Variants in RPS6KC1 observed in about 807,000 individuals in gnomAD.
The protein encoded by RPS6KC1 is ribosomal protein S6 kinase C1.
RPS6KC1 carries 54 observed loss-of-function variants against 103.8 expected under a neutral mutation model. The ratio of observed to expected loss-of-function variants is 0.52; its 90% CI spans 0.42 to 0.65. The LOEUF is 0.65. Among genes scored for constraint, RPS6KC1 ranks in the 30% least tolerant of loss-of-function variants. The pLI is 0.00. For synonymous variants in RPS6KC1, 439 were observed against 438.7 expected, an observed-to-expected ratio of 1.00 and a Z score of -0.01; for missense variants, 1,151 against 1,253.8, an observed-to-expected ratio of 0.92 and a Z score of 1.24.
intron 8 of RPS6KC1, among the ~76,000 whole-genome samples, chr1:213,195,846 G>GTGTA (rs553713944): frequency 2.0e-4 from 30 of 150,946 alleles, no homozygotes; most frequent in African/African-American, 7.3e-4. Flanking sequence ...GTGTGTGTGT[G>GTGTA]TATATATATA....
chr1:213,384,573 C>G, the RPS6KC1 span, among the ~76,000 whole-genome samples: 1 of 152,002 alleles, frequency 6.6e-6, no homozygotes, highest in Non-Finnish European at 1.5e-5. Context: ...GGGAAGGTGT[C>G]GAGGGCAGGA....
chr1:213,510,053 G>T, the RPS6KC1 span, among the ~76,000 whole-genome samples: 3 of 152,130 alleles, frequency 2.0e-5, no homozygotes, highest in Non-Finnish European at 4.4e-5. Context: ...AACTTCTTGG[G>T]TTCCTACCTA....
the RPS6KC1 span, among the ~76,000 whole-genome samples, chr1:213,464,874 TTC>T: frequency 6.6e-4 from 101 of 152,204 alleles, 1 homozygote; most frequent in Middle Eastern, 0.041. Flanking sequence ...TGCCACATAG[TTC>T]TCTCTTTAGG....
In RPS6KC1 at chr1:213,232,183, C is replaced by T; in HGVS notation, c.1153C>T (p.Pro385Ser). 2 of 1,614,018 alleles carry T rather than the reference C, an allele frequency of 1.2e-6. No individual in the cohort carries two copies. The highest frequency in any genetic ancestry group is 1.7e-6 in the Non-Finnish European group (2 of 1,179,906). The change falls in exon 10 of 15, where the codon CCC becomes TCC. Residue 385 changes from proline to serine, a missense_variant. Transcript: ENST00000366960. The part of the protein sequence containing the change: ...NRKTIIPRCV[P>S]NMVCLHKYII... ...AAAGACCATCATCCCCCGCTGTGTG[C>T]CCAACATGGTGTGTCTGCATAAGTA...
the RPS6KC1 span, among the ~76,000 whole-genome samples, chr1:213,696,316 A>G: frequency 1.3e-5 from 2 of 152,014 alleles, no homozygotes; most frequent in African/African-American, 4.8e-5. Flanking sequence ...TCTGACCAAC[A>G]TGGAGAAACT....
chr1:213,179,136 C>T (rs758506580), intron 8 of RPS6KC1, among the ~76,000 whole-genome samples: 1 of 151,646 alleles, frequency 6.6e-6, no homozygotes, highest in African/African-American at 2.4e-5. Context: ...AGGTATAGGC[C>T]GGGAGCTGTG....
At chr1:213,309,316 C>A in the RPS6KC1 span, among the ~76,000 whole-genome samples, 4 of 151,836 alleles carry the variant, frequency 2.6e-5, no homozygotes, top group African/African-American at 9.7e-5. Flanking sequence ...AACAAACAAA[C>A]AAACAACAAC....
At chr1:213,130,439 T>G (rs2085477229) in intron 6 of RPS6KC1, among the ~76,000 whole-genome samples, 1 of 152,196 alleles carries the variant, frequency 6.6e-6, no homozygotes, top group African/African-American at 2.4e-5. Context: ...AGCTATTGTT[T>G]TAACCCTTAA....
chr1:213,651,868 G>A, the RPS6KC1 span, among the ~76,000 whole-genome samples: 2 of 152,150 alleles, frequency 1.3e-5, no homozygotes, highest in South Asian at 2.1e-4. Context: ...CTTGTGTGCC[G>A]AGCTCCTTCC....
the RPS6KC1 span, among the ~76,000 whole-genome samples, chr1:213,681,918 T>C: frequency 6.6e-6 from 1 of 152,238 alleles, no homozygotes; most frequent in African/African-American, 2.4e-5. Flanking sequence ...ACTCTGATAT[T>C]CAAGGTCCTC....
At chr1:213,343,655 GA>G in the RPS6KC1 span, among the ~76,000 whole-genome samples, 1 of 151,174 alleles carries the variant, frequency 6.6e-6, no homozygotes. Flanking sequence ...GAAAGGGTGG[GA>G]GGGGGGTGAG....
intron 6 of RPS6KC1, among the ~76,000 whole-genome samples, chr1:213,163,676 A>ATTT (rs527858433): frequency 2.0e-5 from 3 of 147,430 alleles, no homozygotes; most frequent in African/African-American, 7.4e-5. Flanking sequence ...ATGCCTCTTG[A>ATTT]TTTTTTTTTT....
At chr1:213,808,089 T>C in the RPS6KC1 span, among the ~76,000 whole-genome samples, 5 of 152,122 alleles carry the variant, frequency 3.3e-5, no homozygotes, top group Non-Finnish European at 7.3e-5. Flanking sequence ...TGCAGAACAG[T>C]GGTTTTTCGT....
chr1:213,236,104 A>T (rs2094214713), intron 10 of RPS6KC1, among the ~76,000 whole-genome samples: 1 of 152,054 alleles, frequency 6.6e-6, no homozygotes, highest in South Asian at 2.1e-4. Context: ...CATGCGAGGG[A>T]TCTAGGTTGC....
At chr1:213,084,908 A>G (rs1349150649) in intron 3 of RPS6KC1, among the ~76,000 whole-genome samples, 2 of 152,200 alleles carry the variant, frequency 1.3e-5, no homozygotes, top group East Asian at 1.9e-4. Flanking sequence ...CTGAAGGCAC[A>G]TGATGTCTGT....
chr1:213,466,203 T>G, the RPS6KC1 span, among the ~76,000 whole-genome samples: 1 of 152,226 alleles, frequency 6.6e-6, no homozygotes, highest in African/African-American at 2.4e-5. Flanking sequence ...TAGTTATATT[T>G]TGTTTGAGAT....
intron 1 of RPS6KC1, among the ~76,000 whole-genome samples, chr1:213,058,526 A>G (rs1215209109): frequency 6.6e-6 from 1 of 151,812 alleles, no homozygotes; most frequent in African/African-American, 2.4e-5. Flanking sequence ...ACAAAACACC[A>G]TTTGTTCAAG....
chr1:213,507,026 T>C, the RPS6KC1 span, among the ~76,000 whole-genome samples: 1 of 152,098 alleles, frequency 6.6e-6, no homozygotes, highest in African/African-American at 2.4e-5. Context: ...CAGGAGAGAG[T>C]GTTCTGAATG....
At chr1:213,856,778 A>G in the RPS6KC1 span, among the ~76,000 whole-genome samples, 124 of 152,322 alleles carry the variant, frequency 8.1e-4, 1 homozygote, top group Middle Eastern at 3.4e-3. Flanking sequence ...AACCAATTCT[A>G]TCGTGTAGGC....
Sources: allele counts gnomAD v4.1 joint callset (sites outside exome capture counted in the v4.1 genomes callset), GRCh38; gene constraint gnomAD v4.1.1; transcripts MANE v1.5; gene names NCBI Gene and HGNC (gene_info 2026-07-23, HGNC 2026-07-21).